Variants in SPATA13 observed in about 807,000 individuals in gnomAD.
SPATA13 encodes spermatogenesis-associated protein 13.
Under a neutral mutation model 104.0 loss-of-function variants are expected in SPATA13, and 50 were observed. The ratio of observed to expected loss-of-function variants is 0.48; its 90% CI spans 0.38 to 0.61. The LOEUF is 0.61. Ranked by LOEUF, SPATA13 falls within the 20% of genes least tolerant of loss-of-function variation. The pLI is 0.00. For missense variants in SPATA13, 1,524 were observed against 1,690.6 expected (o/e 0.90, Z 1.73); for synonymous variants, 606 against 667.5 (o/e 0.91, Z 1.42).
chr13:24,236,280 A>G (rs1486412324), intron 2 of SPATA13, among the ~76,000 whole-genome samples: 1 of 152,194 alleles, frequency 6.6e-6, no homozygotes, highest in Non-Finnish European at 1.5e-5. Flanking sequence ...TATCTTCAAC[A>G]ACAACAAAAA....
In SPATA13 at chr13:24,223,411, G is replaced by T. The variant is rs1190512822; in HGVS notation, c.482G>T (p.Gly161Val). The T allele has an allele frequency of 6.4e-7, 1 of 1,551,112 alleles. No individual in the cohort carries two copies. The highest frequency in any genetic ancestry group is 2.4e-5 in the East Asian group (1 of 40,922). The change falls in exon 2 of 13, where the codon GGC becomes GTC. Residue 161 changes from glycine (G) to valine (V), a missense_variant. Around this residue, in one of 2 missense-constraint regions of SPATA13, gnomAD observed 1,089 missense variants for 1,135.9 expected, o/e 0.96. Transcript: ENST00000382108. ...GAVPGAQASR[G>V]SPLAPGPACG... ...GTCCCAGGAGCCCAGGCAAGCAGGG[G>T]CTCCCCCTTAGCACCGGGACCAGCA... is the stretch of plus-strand genomic sequence containing the variant.
chr13:23,988,268 T>C (rs942235364), intron 2 of SPATA13, among the ~76,000 whole-genome samples: 1 of 152,196 alleles, frequency 6.6e-6, no homozygotes, highest in Non-Finnish European at 1.5e-5. Flanking sequence ...TTTTTAAGGC[T>C]GAGTAATATT....
intron 3 of SPATA13, among the ~76,000 whole-genome samples, chr13:24,115,413 T>C (rs1169224025): frequency 6.6e-6 from 1 of 152,252 alleles, no homozygotes; most frequent in Non-Finnish European, 1.5e-5. Flanking sequence ...CTGCCTGAGC[T>C]CTGCCACCTG....
At position 24,160,730 on chromosome 13, in the gene SPATA13, C is replaced by G; in HGVS notation, c.-314C>G. 2 of 985,656 alleles carry G rather than the reference C, an allele frequency of 2.0e-6. No individual in the cohort carries two copies. The highest frequency in any genetic ancestry group is 2.4e-6 in the Non-Finnish European group (2 of 830,210). The allele number at this position is 985,656 out of a possible 1,614,324, so 61.1% of individuals were successfully genotyped here. ...GGGCGTGGCTTGGCTGAGTGTGCTGCCGCGGCGCGGGAGGAGAGTGTGCGT... is the reference window on the plus strand; with the variant it reads ...GGGCGTGGCTTGGCTGAGTGTGCTGGCGCGGCGCGGGAGGAGAGTGTGCGT... On this transcript the variant is annotated 5_prime_UTR_variant, in exon 1 of 13. Coordinates refer to ENST00000382108, the MANE Select transcript of SPATA13 (RefSeq NM_001166271.3).
chr13:24,131,978 C>A (rs1022827174), intron 3 of SPATA13, among the ~76,000 whole-genome samples: 1 of 152,210 alleles, frequency 6.6e-6, no homozygotes, highest in Non-Finnish European at 1.5e-5. Context: ...TCCCTGACTC[C>A]CTTGCAGCTA....
chr13:24,212,343 AT>A lies in SPATA13; in HGVS notation c.-111-10473del, dbSNP rs746023273. Among the ~76,000 whole-genome samples, 6 of 150,756 alleles carry A rather than the reference AT, an allele frequency of 4.0e-5. No homozygotes were observed. In the East Asian group the frequency reaches 1.2e-3, roughly 29 times the overall value. On this transcript the variant is annotated intron_variant, in intron 1 of 12. Transcript: ENST00000382108. Reference sequence around the variant, plus strand: ...GAGGGAAACAAACCACAGGTACCTCATTTAAATGGAGGACATCAGTGTTCCT... The same window carrying A: ...GAGGGAAACAAACCACAGGTACCTCATTAAATGGAGGACATCAGTGTTCCT...
intron 1 of SPATA13, among the ~76,000 whole-genome samples, chr13:24,173,771 T>C (rs540162276): frequency 6.6e-6 from 1 of 152,336 alleles, no homozygotes; most frequent in East Asian, 1.9e-4. Flanking sequence ...CTGATTAATT[T>C]TCAAATACTG....
intron 3 of SPATA13, among the ~76,000 whole-genome samples, chr13:24,046,364 C>T (rs1245659867): frequency 6.6e-6 from 1 of 150,458 alleles, no homozygotes; most frequent in Non-Finnish European, 1.5e-5. Context: ...GTGATTATAG[C>T]TCACTGACAC....
At chr13:24,042,472 A>G (rs1877969766) in intron 3 of SPATA13, among the ~76,000 whole-genome samples, 1 of 152,194 alleles carries the variant, frequency 6.6e-6, no homozygotes, top group Non-Finnish European at 1.5e-5. Flanking sequence ...GTGTGAAGCC[A>G]TTGGTGCCGA....
rs185188234 is a variant in SPATA13, at chr13:24,122,698, C to A, written c.-111-100121C>A. On this transcript the variant is annotated intron_variant, in intron 3 of 14. Transcript: ENST00000424834. Reference sequence around the variant, plus strand: ...AGAAGTGTGTCTGTATCAACTGTTACATAATTACGAAGGAGGAGCATCATA... The same window carrying A: ...AGAAGTGTGTCTGTATCAACTGTTAAATAATTACGAAGGAGGAGCATCATA... 9.0e-5 allele frequency: 87 copies of A among 966,226 alleles called. No homozygotes were observed. The East Asian group carries it at 1.9e-3, about 21-fold the overall frequency. 59.9% of individuals were successfully genotyped at this position (966,226 alleles called of 1,614,324 possible).
intron 3 of SPATA13, among the ~76,000 whole-genome samples, chr13:24,081,176 C>A (rs1172970455): frequency 6.6e-6 from 1 of 152,138 alleles, no homozygotes; most frequent in East Asian, 1.9e-4. Flanking sequence ...CTAATTGATG[C>A]AATAATTTGA....
At chr13:24,090,399 G>A (rs1173313618) in intron 3 of SPATA13, among the ~76,000 whole-genome samples, 1 of 152,114 alleles carries the variant, frequency 6.6e-6, no homozygotes, top group East Asian at 1.9e-4. Context: ...CCTTCTAGAT[G>A]CCCCGCAAAC....
At chr13:24,157,792 C>T (rs1882309482), upstream of SPATA13, among the ~76,000 whole-genome samples, 1 of 152,176 alleles carries the variant, frequency 6.6e-6, no homozygotes, top group African/African-American at 2.4e-5. Flanking sequence ...CCTGGGGGAG[C>T]TCACAGCACT....
intron 3 of SPATA13, among the ~76,000 whole-genome samples, chr13:24,134,366 C>T (rs10047695): frequency 0.032 from 4,844 of 152,248 alleles, 204 homozygotes; most frequent in African/African-American, 0.098. Context: ...GATTCTGGTG[C>T]GCTGCTCAGG....
intron 3 of SPATA13, among the ~76,000 whole-genome samples, chr13:24,135,542 C>CA (rs1200762045): frequency 1.3e-5 from 2 of 151,712 alleles, no homozygotes; most frequent in East Asian, 1.9e-4. Flanking sequence ...CTAAGAAATA[C>CA]AAAAAATTAG....
chr13:24,284,624 A>G (rs1875790837), intron 5 of SPATA13, among the ~76,000 whole-genome samples: 1 of 152,234 alleles, frequency 6.6e-6, no homozygotes, highest in Non-Finnish European at 1.5e-5. Context: ...AGAGCACACC[A>G]CTGCACTCCA....
intron 8 of SPATA13, among the ~76,000 whole-genome samples, chr13:24,290,113 A>G (rs577837903): frequency 2.7e-3 from 407 of 152,278 alleles, no homozygotes; most frequent in African/African-American, 9.2e-3. Flanking sequence ...TGAGGAAGGT[A>G]AGTCTCACAG....
chr13:24,029,826 C>G (rs781357272), intron 3 of SPATA13, among the ~76,000 whole-genome samples: 2 of 152,116 alleles, frequency 1.3e-5, no homozygotes, highest in Non-Finnish European at 2.9e-5. Context: ...CTCTAGGTGT[C>G]TATATGTTCT....
chr13:24,009,387 T>C lies in SPATA13; in HGVS notation c.-146-8280T>C, dbSNP rs185840197. ...GAAGGGATTCATTCTGAGCCAAATA[T>C]GAGTGACCCATGAGCTATGACACAG... On this transcript the variant is annotated intron_variant, in intron 2 of 14. Transcript: ENST00000424834. Among the ~76,000 whole-genome samples, 263 of 152,344 alleles carry C rather than the reference T, an allele frequency of 1.7e-3. 1 individual carries two copies. The highest frequency in any genetic ancestry group is 6.2e-3 in the African/African-American group (256 of 41,586).
Sources: gnomAD v4.1 joint callset for allele counts (sites outside exome capture counted in the v4.1 genomes callset) on GRCh38, gnomAD v4.1.1 for gene constraint, gnomAD v4.1.1 regional missense constraint, MANE v1.5 for transcripts, NCBI Gene and HGNC (gene_info 2026-07-23, HGNC 2026-07-21) for gene names.